Variants in SNRPN observed in about 807,000 individuals in gnomAD.
The protein encoded by SNRPN is small nuclear ribonucleoprotein polypeptide N, also known as small nuclear ribonucleoprotein-associated protein N.
Under a neutral mutation model 25.2 loss-of-function variants are expected in SNRPN, and 7 were observed. That is an observed-to-expected ratio of 0.28 (90% CI 0.16 to 0.52). The LOEUF is 0.52. SNRPN is among the 20% of genes least tolerant of loss of function. The probability of loss-of-function intolerance (pLI) is 0.96; values close to 1 mark genes in which losing one functional copy is unlikely to be tolerated. For missense variants in SNRPN, 196 were observed against 322.5 expected, an observed-to-expected ratio of 0.61 and a Z score of 3.00; for synonymous variants, 124 against 110.6, an observed-to-expected ratio of 1.12 and a Z score of -0.76.
At position 24,926,786 on chromosome 15, in the gene SNRPN, C is replaced by T. The variant is rs2060413024; in HGVS notation, c.-391+6662C>T. On this transcript the variant is annotated intron_variant, in intron 3 of 11. Coordinates refer to the SNRPN transcript ENST00000400097. ...GTGGGAGGCTGAGATGGGTGGATTG[C>T]TTGAGGCCAGGAGTTTGAGACCAGC... 2.6e-5 allele frequency among the ~76,000 whole-genome samples: 4 copies of T among 152,030 alleles called. No individual in the cohort carries two copies. The South Asian group carries it at 8.3e-4, about 32-fold the overall frequency.
chr15:24,871,495 C>G (rs577242645), intron 1 of SNRPN, among the ~76,000 whole-genome samples: 1 of 152,028 alleles, frequency 6.6e-6, no homozygotes, highest in Non-Finnish European at 1.5e-5. Context: ...TGAAGTATAT[C>G]TTACGGTGAT....
Position 24,873,880 on chromosome 15 carries a change from C to T in SNRPN, c.-578-12636C>T, listed in dbSNP as rs2055526035. Among the ~76,000 whole-genome samples, 3 of 152,122 alleles carry T rather than the reference C, an allele frequency of 2.0e-5. No homozygotes were observed. The South Asian group carries it at 6.2e-4, about 31-fold the overall frequency. ...CAGCTGATCTAGACCACATTTCTCA[C>T]TTCTGAGATCAGAATAGCAAATATG... On this transcript the variant is annotated intron_variant, in intron 1 of 11. Coordinates refer to the SNRPN transcript ENST00000400097.
intron 2 of SNRPN, among the ~76,000 whole-genome samples, chr15:24,965,265 C>T (rs220033): frequency 0.14 from 20,549 of 152,112 alleles, 2,484 homozygotes; most frequent in African/African-American, 0.33. Context: ...AGGCTGGGTG[C>T]GGTGGCTCAC....
At chr15:24,876,517 C>T (rs1370428623) in intron 1 of SNRPN, among the ~76,000 whole-genome samples, 1 of 149,974 alleles carries the variant, frequency 6.7e-6, no homozygotes, top group East Asian at 2.0e-4. Flanking sequence ...CTCAGGAGGC[C>T]GAGGCAGGAG....
At chr15:24,876,235 G>A (rs1202121779) in intron 1 of SNRPN, among the ~76,000 whole-genome samples, 5 of 151,802 alleles carry the variant, frequency 3.3e-5, no homozygotes, top group Admixed American at 2.0e-4. Flanking sequence ...GGCCACATAA[G>A]TATCATCTAC....
intron 2 of SNRPN, among the ~76,000 whole-genome samples, chr15:24,918,846 C>CGCACATATAACAATATATATATGT (rs2059803233): frequency 1.4e-5 from 1 of 72,962 alleles, no homozygotes; most frequent in Admixed American, 1.5e-4. Flanking sequence ...TATATATATG[C>CGCACATATAACAATATATATATGT]GCACATATAT....
chr15:24,941,269 A>T (rs2061538269), intron 3 of SNRPN, among the ~76,000 whole-genome samples: 1 of 152,122 alleles, frequency 6.6e-6, no homozygotes, highest in Non-Finnish European at 1.5e-5. Context: ...GAGCCACTGC[A>T]CCCGGCCTAA....
At chr15:24,957,999 G>A (rs1390536872) in intron 1 of SNRPN, among the ~76,000 whole-genome samples, 2 of 152,164 alleles carry the variant, frequency 1.3e-5, no homozygotes, top group Non-Finnish European at 2.9e-5. Flanking sequence ...TGATGCAGAG[G>A]AAGGAAGCTT....
At chr15:24,911,186 G>T in intron 2 of SNRPN, 1 of 488,172 alleles carries the variant, frequency 2.0e-6, no homozygotes, top group Non-Finnish European at 3.4e-6. Context: ...TTAAAGGGAA[G>T]TTGAACATAA....
At chr15:24,924,321 T>C (rs537939977) in intron 3 of SNRPN, among the ~76,000 whole-genome samples, 1 of 151,898 alleles carries the variant, frequency 6.6e-6, no homozygotes, top group Admixed American at 6.6e-5. Flanking sequence ...GGGGGAAAGA[T>C]AAATGGACTG....
chr15:24,885,170 G>C (rs912964812), intron 1 of SNRPN, among the ~76,000 whole-genome samples: 1 of 151,812 alleles, frequency 6.6e-6, no homozygotes, highest in Non-Finnish European at 1.5e-5. Flanking sequence ...TGGGTATTGG[G>C]ACATCTGGAT....
intron 3 of SNRPN, among the ~76,000 whole-genome samples, chr15:24,949,113 C>G (rs2062071553): frequency 7.0e-6 from 1 of 143,722 alleles, no homozygotes; most frequent in Admixed American, 7.5e-5. Flanking sequence ...CCTCCGTCTC[C>G]TGGGTTCAAG....
chr15:24,906,353 G>C (rs1228778550), intron 2 of SNRPN, among the ~76,000 whole-genome samples: 4 of 152,072 alleles, frequency 2.6e-5, no homozygotes, highest in Admixed American at 6.6e-5. Flanking sequence ...GGCTGGTCTT[G>C]AGCTCCCAAG....
At chr15:24,970,772 C>A (rs181731009) in intron 3 of SNRPN, among the ~76,000 whole-genome samples, 1 of 152,128 alleles carries the variant, frequency 6.6e-6, no homozygotes, top group Admixed American at 6.5e-5. Flanking sequence ...AATTAGTAGA[C>A]CATTAGTTTC....
chr15:24,863,926 G>A lies in SNRPN; in HGVS notation c.-579+7210G>A, dbSNP rs541826620. Among the ~76,000 whole-genome samples the A allele has an allele frequency of 7.5e-4, 112 of 149,954 alleles. 2 individuals carry two copies. The highest frequency in any genetic ancestry group is 1.8e-3 in the Admixed American group (27 of 15,132). On this transcript the variant is annotated intron_variant, in intron 1 of 11. Coordinates refer to the SNRPN transcript ENST00000400097. ...TTTTCTCCTGCTTACTTTGGATTTC[G>A]TTTGCTCTACTTTTAAGTTTCCTAT...
At chr15:24,908,834 G>C (rs1173506368) in intron 2 of SNRPN, 2 of 555,312 alleles carry the variant, frequency 3.6e-6, no homozygotes, top group Non-Finnish European at 6.2e-6. Context: ...CTAGAGTCTT[G>C]GAAAGCTTTT....
chr15:24,890,209 T>C (rs2057560440), intron 2 of SNRPN, among the ~76,000 whole-genome samples: 1 of 152,140 alleles, frequency 6.6e-6, no homozygotes, highest in Admixed American at 6.6e-5. Flanking sequence ...TTATCTGCCC[T>C]ACCTGTCCTG....
Position 24,975,393 on chromosome 15 carries a change from T to G in SNRPN, c.39T>G (p.Ile13Met). ...AGAGTAGCAAGATGCTGCAGCACAT[T>G]GACTATAGAATGAGATGTATCCTGC... ...VGKSSKMLQH[I>M]DYRMRCILQD... Residue 13 changes from isoleucine to methionine, a missense_variant, in exon 5 of 10, where the codon ATT becomes ATG. Ile to Met is a conservative substitution (Grantham distance 10). Transcript: ENST00000390687. 6.2e-7 allele frequency: 1 copy of G among 1,613,708 alleles called. No homozygotes were observed. The highest frequency in any genetic ancestry group is 2.2e-5 in the East Asian group (1 of 44,874).
At chr15:24,899,590 C>T (rs1311465514) in intron 2 of SNRPN, among the ~76,000 whole-genome samples, 2 of 152,180 alleles carry the variant, frequency 1.3e-5, no homozygotes, top group Admixed American at 6.5e-5. Flanking sequence ...TAGCATCAGG[C>T]TCCTACAACG....
Sources: allele counts gnomAD v4.1 joint callset (sites outside exome capture counted in the v4.1 genomes callset), GRCh38; gene constraint gnomAD v4.1.1; transcripts MANE v1.5; gene names NCBI Gene and HGNC (gene_info 2026-07-23, HGNC 2026-07-21).